SCRT2: variants seen among roughly 807,000 people sequenced by gnomAD.
SCRT2 encodes scratch family transcriptional repressor 2.
SCRT2 carries 2 observed loss-of-function variants against 3.7 expected under a neutral mutation model. That is an observed-to-expected ratio of 0.54 (90% CI 0.22 to 1.70). The LOEUF is 1.70. Ranked by LOEUF, SCRT2 falls within the 40% of genes most tolerant of loss-of-function variation. The probability of loss-of-function intolerance (pLI) is 0.19; values close to 1 mark genes in which losing one functional copy is unlikely to be tolerated. For missense variants in SCRT2, 456 were observed against 468.5 expected (o/e 0.97, Z 0.25); for synonymous variants, 256 against 220.6 (o/e 1.16, Z -1.42).
chr20:675,727 G>C lies in SCRT2; in HGVS notation c.-126C>G. On this transcript the variant is annotated 5_prime_UTR_variant, in exon 1 of 2. Transcript: ENST00000246104. The surrounding 1 kb of genome is among the most constrained non-coding windows in gnomAD (Gnocchi z 6.9). ...GAGCGCGGGAGGCCGCTCGGAGCCG[G>C]CACCGGTGGCGGCGGCCCCGGCTCG... The C allele has an allele frequency of 1.8e-6, 1 of 570,144 alleles. No homozygotes were observed. Among genetic ancestry groups the C allele is most frequent in the Non-Finnish European group, 2.4e-6 (1 of 411,276 alleles). 35.3% of individuals were successfully genotyped at this position (570,144 alleles called of 1,614,324 possible). A position where few individuals can be genotyped will look rare whatever the true frequency, so the allele number is the denominator to read the frequency against.
In SCRT2 at chr20:664,049, G is replaced by C; in HGVS notation, c.546C>G (p.Ser182Arg). ...ACGTCGGGCATTTGCGCGCCAGCTG[G>C]CTGTCCAGGCTGCGGTGCGTCTGCT... ...RHKQTHRSLD[S>R]QLARKCPTCG... Residue 182 changes from serine to arginine, a missense_variant, in exon 2 of 2, where the codon AGC (serine) becomes AGG (arginine). Physicochemically the swap from Ser to Arg is moderately radical, Grantham distance 110 (BLOSUM62 -1). Coordinates refer to ENST00000246104, the MANE Select transcript of SCRT2 (RefSeq NM_033129.4). The surrounding 1 kb of genome is among the most constrained non-coding windows in gnomAD (Gnocchi z 7.9). The C allele has an allele frequency of 6.2e-7, 1 of 1,611,770 alleles. No homozygotes were observed. Among genetic ancestry groups the C allele is most frequent in the Non-Finnish European group, 8.5e-7 (1 of 1,179,576 alleles).
rs907576370 is a variant in SCRT2 at position 662,548 on chromosome 20, G to A, written c.*1123C>T. On this transcript the variant is annotated 3_prime_UTR_variant, in exon 2 of 2. Transcript: ENST00000246104. ...TGTGGCCTGTGCTGTCCCTCTCCTT[G>A]CCTGGCTTCCTGACCTCCCAGTCCA... 2 of 152,324 alleles carry A rather than the reference G, an allele frequency of 1.3e-5. No individual in the cohort carries two copies. The highest frequency in any genetic ancestry group is 4.8e-5 in the African/African-American group (2 of 41,428). The allele number at this position is 152,324 out of a possible 1,614,324, so 9.4% of individuals were successfully genotyped here.
rs1171246878 is a variant in SCRT2, at chr20:675,202, C to G, written c.133+267G>C. On this transcript the variant is annotated intron_variant, in intron 1 of 1. Transcript: ENST00000246104. The surrounding 1 kb of genome is among the most constrained non-coding windows in gnomAD (Gnocchi z 6.9). ...TGTGTTCTCTTGCCACCCCCTCACT[C>G]TAGCCCTATTTGAGGGCCACAACTT... Among the ~76,000 whole-genome samples the G allele has an allele frequency of 6.6e-6, 1 of 152,232 alleles. No homozygotes were observed. The highest frequency in any genetic ancestry group is 1.5e-5 in the Non-Finnish European group (1 of 68,040).
chr20:674,357 T>G lies in SCRT2; in HGVS notation c.133+1112A>C, dbSNP rs182399394. On this transcript the variant is annotated intron_variant, in intron 1 of 1. Transcript: ENST00000246104. ...TCCTCTCTCAATCTCCCTCTTTCTC[T>G]CTCTCTCTTTCCCCACCCCCATCTC... Among the ~76,000 whole-genome samples the G allele has an allele frequency of 5.3e-5, 8 of 150,562 alleles. 1 individual carries two copies. Among genetic ancestry groups the G allele is most frequent in the Non-Finnish European group, 1.0e-4 (7 of 67,766 alleles).
In SCRT2 at chr20:664,015, C is replaced by T; in HGVS notation, c.580G>A (p.Ala194Thr). Residue 194 changes from alanine to threonine, a missense_variant, in exon 2 of 2, where the codon GCC becomes ACC. Physicochemically the swap from Ala to Thr is moderately conservative, Grantham distance 58. Transcript: ENST00000246104. This position sits in a 1 kb window ranked among gnomAD's most constrained non-coding sequence, Gnocchi z 7.9. ...GCGAGCGCGGGCATGGACACGTAGGCCTTGCCGCACGTCGGGCATTTGCGC... is the reference window on the plus strand; with the variant it reads ...GCGAGCGCGGGCATGGACACGTAGGTCTTGCCGCACGTCGGGCATTTGCGC... ...LARKCPTCGKAYVSMPALAMH... is the reference protein window; with the variant it reads ...LARKCPTCGKTYVSMPALAMH... 1.2e-6 allele frequency: 2 copies of T among 1,612,002 alleles called. No individual in the cohort carries two copies. The highest frequency in any genetic ancestry group is 8.5e-7 in the Non-Finnish European group (1 of 1,179,636).
rs1246808762 is a variant in SCRT2 at position 667,033 on chromosome 20, G to A, written c.134-2572C>T. ...GTAAAACTTTGGTGCCAGACGGCCT[G>A]GATTGTTTTGGCTCTACCATTCCCA... On this transcript the variant is annotated intron_variant, in intron 1 of 1. Transcript: ENST00000246104. This position sits in a 1 kb window ranked among gnomAD's most constrained non-coding sequence, Gnocchi z 4.4. Among the ~76,000 whole-genome samples, 2 of 152,194 alleles carry A rather than the reference G, an allele frequency of 1.3e-5. No individual in the cohort carries two copies. Among genetic ancestry groups the A allele is most frequent in the Non-Finnish European group, 2.9e-5 (2 of 68,040 alleles).
chr20:675,628 G>A lies in SCRT2; in HGVS notation c.-27C>T, dbSNP rs1984513308. ...GCGCGGCCGGCGCGGGGCTCGGTGC[G>A]GGGAGGCGGCCGGCCGGGCGCGATC... On this transcript the variant is annotated 5_prime_UTR_variant, in exon 1 of 2. Transcript: ENST00000246104. The surrounding 1 kb of genome is among the most constrained non-coding windows in gnomAD (Gnocchi z 6.9). The A allele has an allele frequency of 7.9e-7, 1 of 1,264,536 alleles. No homozygotes were observed. Among genetic ancestry groups the A allele is most frequent in the Non-Finnish European group, 1.0e-6 (1 of 997,738 alleles). 78.3% of individuals were successfully genotyped at this position (1,264,536 alleles called of 1,614,324 possible).
chr20:671,167 A>C (rs773280645), intron 1 of SCRT2, among the ~76,000 whole-genome samples: 4 of 152,166 alleles, frequency 2.6e-5, no homozygotes, highest in Admixed American at 6.5e-5. Flanking sequence ...ACCTGTTCAT[A>C]GGTATTGAAA....
rs1236935379 is a variant in SCRT2 at position 666,743 on chromosome 20, G to A, written c.134-2282C>T. Among the ~76,000 whole-genome samples the A allele has an allele frequency of 2.6e-5, 4 of 152,202 alleles. No individual in the cohort carries two copies. The highest frequency in any genetic ancestry group is 6.5e-5 in the Admixed American group (1 of 15,286). On this transcript the variant is annotated intron_variant, in intron 1 of 1. Coordinates refer to ENST00000246104, the MANE Select transcript of SCRT2 (RefSeq NM_033129.4). The surrounding 1 kb of genome is among the most constrained non-coding windows in gnomAD (Gnocchi z 4.4). The stretch of plus-strand genomic sequence containing the variant: ...TGTGGAATGAGTGATGATGATTTGC[G>A]AGGCCAGCCTCACTCCCCAGCCTAG...
In SCRT2 at chr20:664,815, C is replaced by T. The variant is rs932413688; in HGVS notation, c.134-354G>A. 5.3e-5 allele frequency among the ~76,000 whole-genome samples: 8 copies of T among 152,358 alleles called. No individual in the cohort carries two copies. Among genetic ancestry groups the T allele is most frequent in the African/African-American group, 1.9e-4 (8 of 41,584 alleles). ...AGAGAGATGCAGCAGTCTAACCTTACAGTCAGGAAGTGATGGAGCCCTTGC... is the reference window on the plus strand; with the variant it reads ...AGAGAGATGCAGCAGTCTAACCTTATAGTCAGGAAGTGATGGAGCCCTTGC... On this transcript the variant is annotated intron_variant, in intron 1 of 1. Transcript: ENST00000246104. The surrounding 1 kb of genome is among the most constrained non-coding windows in gnomAD (Gnocchi z 7.9).
In SCRT2 at chr20:664,419, T is replaced by C. The variant is rs1984085985; in HGVS notation, c.176A>G (p.Asp59Gly). 1.5e-6 allele frequency: 2 copies of C among 1,340,052 alleles called. No homozygotes were observed. Among genetic ancestry groups the C allele is most frequent in the African/African-American group, 1.5e-5 (1 of 66,556 alleles). 83.0% of individuals were successfully genotyped at this position (1,340,052 alleles called of 1,614,324 possible). The change falls in exon 2 of 2, where the codon GAC becomes GGC. Residue 59 changes from aspartate (D) to glycine (G), a missense_variant. Coordinates refer to ENST00000246104, the MANE Select transcript of SCRT2 (RefSeq NM_033129.4). This position sits in a 1 kb window ranked among gnomAD's most constrained non-coding sequence, Gnocchi z 7.9. Reference protein sequence around the residue: ...HRLPPSSYDADQKPGLELAPA... With the variant: ...HRLPPSSYDAGQKPGLELAPA... ...GGCCAGCTCCAGGCCCGGCTTCTGG[T>C]CCGCATCGTAGCTGCTCGGGGGCAG...
In SCRT2 at chr20:667,265, A is replaced by T. The variant is rs1287251922; in HGVS notation, c.134-2804T>A. ...GTAGGTACCCTTTTATAGAAGAGGAAACCAAGGCACAAGGAAGCTAAGTAA... is the reference window on the plus strand; with the variant it reads ...GTAGGTACCCTTTTATAGAAGAGGATACCAAGGCACAAGGAAGCTAAGTAA... On this transcript the variant is annotated intron_variant, in intron 1 of 1. Coordinates refer to ENST00000246104, the MANE Select transcript of SCRT2 (RefSeq NM_033129.4). This position sits in a 1 kb window ranked among gnomAD's most constrained non-coding sequence, Gnocchi z 4.4. Among the ~76,000 whole-genome samples the T allele has an allele frequency of 6.6e-6, 1 of 152,214 alleles. No homozygotes were observed. Among genetic ancestry groups the T allele is most frequent in the Non-Finnish European group, 1.5e-5 (1 of 68,044 alleles).
rs1984522853 is a variant in SCRT2, at chr20:675,762, T to TCGGGC, written c.-162_-161insGCCCG. On this transcript the variant is annotated 5_prime_UTR_variant, in exon 1 of 2. Coordinates refer to ENST00000246104, the MANE Select transcript of SCRT2 (RefSeq NM_033129.4). The surrounding 1 kb of genome is among the most constrained non-coding windows in gnomAD (Gnocchi z 6.9). ...CGGCGGCCCCGGCTCGGGCTCGGGC[T>TCGGGC]TGGCGGCGGCGGCGCGCAGACAGGG... is the stretch of plus-strand genomic sequence containing the variant. The TCGGGC allele has an allele frequency of 3.2e-5, 9 of 285,504 alleles. No homozygotes were observed. In the Admixed American group the frequency reaches 5.1e-4, roughly 16 times the overall value. The allele number at this position is 285,504 out of a possible 1,614,324, so 17.7% of individuals were successfully genotyped here.
At chr20:674,515 G>A (rs1984457995) in intron 1 of SCRT2, among the ~76,000 whole-genome samples, 1 of 152,052 alleles carries the variant, frequency 6.6e-6, no homozygotes, top group Non-Finnish European at 1.5e-5. Flanking sequence ...ACCTGCCCTG[G>A]TGGGGGCCAT....
rs1984204625 is a variant in SCRT2, at chr20:667,868, C to T, written c.134-3407G>A. 6.6e-6 allele frequency among the ~76,000 whole-genome samples: 1 copy of T among 152,094 alleles called. No homozygotes were observed. The highest frequency in any genetic ancestry group is 1.5e-5 in the Non-Finnish European group (1 of 68,016). On this transcript the variant is annotated intron_variant, in intron 1 of 1. Coordinates refer to ENST00000246104, the MANE Select transcript of SCRT2 (RefSeq NM_033129.4). The surrounding 1 kb of genome is among the most constrained non-coding windows in gnomAD (Gnocchi z 4.4). ...ACTGTGGCCAGGTTGCTTAACCTTT[C>T]TGGGCGGAATCTATACATGACAAAG...
At chr20:671,798 G>A (rs1455914199) in intron 1 of SCRT2, among the ~76,000 whole-genome samples, 1 of 152,212 alleles carries the variant, frequency 6.6e-6, no homozygotes, top group Non-Finnish European at 1.5e-5. Flanking sequence ...CATCTGCCTG[G>A]GTTGGATGCA....
At position 666,624 on chromosome 20, in the gene SCRT2, C is replaced by T. The variant is rs1317848555; in HGVS notation, c.134-2163G>A. Among the ~76,000 whole-genome samples, 2 of 152,214 alleles carry T rather than the reference C, an allele frequency of 1.3e-5. No individual in the cohort carries two copies. Among genetic ancestry groups the T allele is most frequent in the Non-Finnish European group, 2.9e-5 (2 of 68,036 alleles). The stretch of plus-strand genomic sequence containing the variant: ...TTGGAATCCACTGCCCCCTTGGTTT[C>T]CCACATACTGGGAGGTCCTCCAGGA... On this transcript the variant is annotated intron_variant, in intron 1 of 1. Coordinates refer to ENST00000246104, the MANE Select transcript of SCRT2 (RefSeq NM_033129.4). The surrounding 1 kb of genome is among the most constrained non-coding windows in gnomAD (Gnocchi z 4.4).
In SCRT2 at chr20:661,646, T is replaced by C. The variant is rs1983952656; in HGVS notation, c.*2025A>G. 1 of 152,676 alleles carries C rather than the reference T, an allele frequency of 6.5e-6. No homozygotes were observed. The highest frequency in any genetic ancestry group is 2.4e-5 in the African/African-American group (1 of 41,438). The allele number at this position is 152,676 out of a possible 1,614,324, so 9.5% of individuals were successfully genotyped here. On this transcript the variant is annotated 3_prime_UTR_variant, in exon 2 of 2. Transcript: ENST00000246104. ...CCCTGAATTGCGTTACAAGTAATAC[T>C]GCTGGAGGTGGGGAAGGGATGGGGG... is the stretch of plus-strand genomic sequence containing the variant.
chr20:670,825 C>T (rs1434315305), intron 1 of SCRT2, among the ~76,000 whole-genome samples: 1 of 152,168 alleles, frequency 6.6e-6, no homozygotes, highest in African/African-American at 2.4e-5. Flanking sequence ...CTCGTAACCC[C>T]AGGCTTTAGA....
Sources: allele counts gnomAD v4.1 joint callset (sites outside exome capture counted in the v4.1 genomes callset), GRCh38; gene constraint gnomAD v4.1.1; non-coding constraint Gnocchi (gnomAD v3.1); transcripts MANE v1.5; gene names NCBI Gene and HGNC (gene_info 2026-07-23, HGNC 2026-07-21).